Variants in KIAA0930 observed in about 807,000 individuals in gnomAD.
KIAA0930 encodes the protein uncharacterized protein KIAA0930.
KIAA0930 carries 24 observed loss-of-function variants against 43.9 expected under a neutral mutation model. The observed-to-expected ratio is 0.55, with a 90% confidence interval of 0.40 to 0.77. KIAA0930 has a LOEUF of 0.77. Among genes scored for constraint, KIAA0930 ranks in the 30% least tolerant of loss-of-function variants. The pLI is 0.00. For synonymous variants in KIAA0930, 259 were observed against 216.4 expected (o/e 1.20, Z -1.73); for missense variants, 461 against 574.2 (o/e 0.80, Z 2.02).
rs985969175 is a variant in KIAA0930 at position 45,228,791 on chromosome 22, A to C, written c.64+11849T>G. ...CCTCCCCATCCCCCCCAACCACCAA[A>C]CACTCACCTGAGAGATCCCTCTCCA... is the stretch of plus-strand genomic sequence containing the variant. On this transcript the variant is annotated intron_variant, in intron 1 of 9. Coordinates refer to ENST00000336156, the MANE Select transcript of KIAA0930 (RefSeq NM_001009880.2). Among the ~76,000 whole-genome samples, 154 of 30,980 alleles carry C rather than the reference A, an allele frequency of 5.0e-3. 4 individuals carry two copies. Among genetic ancestry groups the C allele is most frequent in the Admixed American group, 0.016 (50 of 3,144 alleles). 20.3% of individuals were successfully genotyped at this position (30,980 alleles called of 152,430 possible).
intron 1 of KIAA0930, among the ~76,000 whole-genome samples, chr22:45,220,442 T>TC (rs909685863): frequency 1.3e-5 from 2 of 150,366 alleles, no homozygotes; most frequent in African/African-American, 4.9e-5. Context: ...AGACTCAGTC[T>TC]CCAAAAAAAA....
chr22:45,217,773 G>A (rs2083742679), intron 1 of KIAA0930, among the ~76,000 whole-genome samples: 1 of 152,220 alleles, frequency 6.6e-6, no homozygotes, highest in African/African-American at 2.4e-5. Flanking sequence ...GTGAGTAGGT[G>A]AATCCGTGAA....
intron 3 of KIAA0930, 23 bp downstream of exon 3, chr22:45,205,770 G>GCGGGC: frequency 9.2e-6 from 14 of 1,523,676 alleles, no homozygotes; most frequent in Non-Finnish European, 1.2e-5. Context: ...CCAATCCGCA[G>GCGGGC]CCCCACCCAT....
chr22:45,197,495 G>A (rs752246322), intron 9 of KIAA0930, among the ~76,000 whole-genome samples: 15 of 152,220 alleles, frequency 9.9e-5, no homozygotes, highest in Non-Finnish European at 1.8e-4. Context: ...CTGGGTCAGC[G>A]AGGTGGCCTG....
At chr22:45,217,968 G>A (rs1182401326) in intron 1 of KIAA0930, among the ~76,000 whole-genome samples, 16 of 152,130 alleles carry the variant, frequency 1.1e-4, no homozygotes, top group Admixed American at 9.2e-4. Context: ...CGTGGGAAGT[G>A]AGCACTAAGC....
intron 1 of KIAA0930, chr22:45,213,555 C>CA (rs1254768061): frequency 2.6e-6 from 3 of 1,132,652 alleles, no homozygotes; most frequent in Non-Finnish European, 3.4e-6. Flanking sequence ...TTGCAACAGG[C>CA]AAAGCCCAAG....
chr22:45,192,486 C>T lies in KIAA0930; in HGVS notation c.*4690G>A, dbSNP rs531192573. 1.3e-5 allele frequency: 2 copies of T among 152,314 alleles called. No homozygotes were observed. Among genetic ancestry groups the T allele is most frequent in the South Asian group, 2.1e-4 (1 of 4,826 alleles). 9.4% of individuals were successfully genotyped at this position (152,314 alleles called of 1,614,324 possible). A position where few individuals can be genotyped will look rare whatever the true frequency, so the allele number is the denominator to read the frequency against. ...TTGCTAAAATACATGTTGTAGAAGTCATAATTCATAGTGAAGAATCTCAAC... is the reference window on the plus strand; with the variant it reads ...TTGCTAAAATACATGTTGTAGAAGTTATAATTCATAGTGAAGAATCTCAAC... On this transcript the variant is annotated 3_prime_UTR_variant, in exon 10 of 10. Coordinates refer to ENST00000336156, the MANE Select transcript of KIAA0930 (RefSeq NM_001009880.2).
chr22:45,239,458 T>G (rs948588791), intron 1 of KIAA0930, among the ~76,000 whole-genome samples: 5 of 152,022 alleles, frequency 3.3e-5, no homozygotes, highest in African/African-American at 1.2e-4. Flanking sequence ...CACCCCTGCA[T>G]GAGGAAAGGC....
At chr22:45,234,791 TTGGAGTC>T (rs1385044153) in intron 1 of KIAA0930, among the ~76,000 whole-genome samples, 3 of 152,242 alleles carry the variant, frequency 2.0e-5, no homozygotes, top group Non-Finnish European at 4.4e-5. Context: ...CATTTAATGT[TTGGAGTC>T]TGAGCAACAT....
intron 1 of KIAA0930, among the ~76,000 whole-genome samples, chr22:45,218,638 T>A (rs1047923054): frequency 2.0e-4 from 30 of 152,110 alleles, no homozygotes; most frequent in Non-Finnish European, 1.2e-4. Flanking sequence ...GTGCAGGAGC[T>A]GAGACACAAA....
chr22:45,225,495 C>T (rs56761126), intron 1 of KIAA0930, among the ~76,000 whole-genome samples: 4 of 152,322 alleles, frequency 2.6e-5, no homozygotes, highest in African/African-American at 9.6e-5. Context: ...AGGCAGCCCC[C>T]GCATCTGCCA....
chr22:45,212,776 G>C lies in KIAA0930; in HGVS notation c.65-669C>G, dbSNP rs745507341. On this transcript the variant is annotated intron_variant, in intron 1 of 9. Transcript: ENST00000336156. ...AAAAGAGAAAAAGCCCACAGGCTTTGGTAGGGAAGATCTGGGTTTCCATTC... is the reference window on the plus strand; with the variant it reads ...AAAAGAGAAAAAGCCCACAGGCTTTCGTAGGGAAGATCTGGGTTTCCATTC... 7.4e-4 allele frequency among the ~76,000 whole-genome samples: 112 copies of C among 152,228 alleles called. 1 individual carries two copies. Among genetic ancestry groups the C allele is most frequent in the Non-Finnish European group, 1.4e-3 (97 of 68,040 alleles).
At position 45,205,220 on chromosome 22, in the gene KIAA0930, C is replaced by T. The variant is rs376391969; in HGVS notation, c.513G>A (p.Glu171=). 9 of 1,613,316 alleles carry T rather than the reference C, an allele frequency of 5.6e-6. No homozygotes were observed. Among genetic ancestry groups the T allele is most frequent in the Non-Finnish European group, 7.6e-6 (9 of 1,179,198 alleles). Residue 171 remains glutamate (E), a synonymous_variant, in exon 5 of 10, where the codon GAG becomes GAA. Transcript: ENST00000336156. ...PNIFFMIDSF[E]EVFSDMTVGE... ...AGAGGCCCTGTGCAGAGCTCACCTCCTCGAAGCTGTCAATCATGAAGAAGA... is the reference window on the plus strand; with the variant it reads ...AGAGGCCCTGTGCAGAGCTCACCTCTTCGAAGCTGTCAATCATGAAGAAGA...
In KIAA0930 at chr22:45,233,781, G is replaced by A. The variant is rs533971174; in HGVS notation, c.64+6859C>T. On this transcript the variant is annotated intron_variant, in intron 1 of 9. Transcript: ENST00000336156. ...AGGGAAGGTCTACTCAACCCTCTGAGCCTCTGCTTCATCCCTGTAAGACAC... is the reference window on the plus strand; with the variant it reads ...AGGGAAGGTCTACTCAACCCTCTGAACCTCTGCTTCATCCCTGTAAGACAC... 1.1e-4 allele frequency among the ~76,000 whole-genome samples: 17 copies of A among 152,310 alleles called. No homozygotes were observed. In the South Asian group the frequency reaches 3.5e-3, roughly 32 times the overall value.
chr22:45,212,252 T>C, intron 1 of KIAA0930, 145 bp from the exon 2 acceptor site: 1 of 1,612,546 alleles, frequency 6.2e-7, no homozygotes, highest in East Asian at 2.2e-5. Flanking sequence ...CCCTCACCAC[T>C]CCCGACCCCC....
chr22:45,202,945 A>G, intron 7 of KIAA0930, 45 bp downstream of exon 7: 1 of 1,511,130 alleles, frequency 6.6e-7, no homozygotes, highest in East Asian at 2.3e-5. Context: ...GTGGAAAGTG[A>G]ACTTGACGGA....
intron 1 of KIAA0930, among the ~76,000 whole-genome samples, chr22:45,238,432 C>CA (rs1254936890): frequency 3.9e-5 from 6 of 152,248 alleles, no homozygotes; most frequent in African/African-American, 1.4e-4. Flanking sequence ...AGACAGCACA[C>CA]AGACCATGAC....
chr22:45,202,065 G>T (rs994790009), intron 7 of KIAA0930, among the ~76,000 whole-genome samples: 1 of 152,248 alleles, frequency 6.6e-6, no homozygotes, highest in African/African-American at 2.4e-5. Context: ...GAGGAAAAGA[G>T]ACACACCCAA....
intron 1 of KIAA0930, chr22:45,236,036 C>G (rs559013555): frequency 6.6e-6 from 1 of 152,528 alleles, no homozygotes; most frequent in East Asian, 1.9e-4. Flanking sequence ...CCTCACTCCT[C>G]TGGCCCATTC....
Sources: gnomAD v4.1 joint callset for allele counts (sites outside exome capture counted in the v4.1 genomes callset) on GRCh38, gnomAD v4.1.1 for gene constraint, MANE v1.5 for transcripts, NCBI Gene and HGNC (gene_info 2026-07-23, HGNC 2026-07-21) for gene names.